ZC3H7A: variants seen among roughly 807,000 people sequenced by gnomAD.
The protein encoded by ZC3H7A is zinc finger CCCH domain-containing protein 7A.
In ZC3H7A, 44 loss-of-function variants were observed where a neutral mutation model predicts 125.5. That is an observed-to-expected ratio of 0.35 (90% CI 0.28 to 0.45). The LOEUF (loss-of-function observed/expected upper bound fraction) is 0.45, where lower values mean the gene tolerates loss of function less well. Ranked by LOEUF, ZC3H7A falls within the 20% of genes least tolerant of loss-of-function variation. ZC3H7A has a pLI of 1.00. For missense variants in ZC3H7A, 977 were observed against 1,170.7 expected, an observed-to-expected ratio of 0.83 and a Z score of 2.41; for synonymous variants, 399 against 391.2, an observed-to-expected ratio of 1.02 and a Z score of -0.23.
In ZC3H7A at chr16:11,751,514, G is replaced by A. The variant is rs187457479; in HGVS notation, c.2727-8C>T. 4.0e-5 allele frequency: 64 copies of A among 1,610,196 alleles called. 1 individual carries two copies. The East Asian group carries it at 1.4e-3, about 36-fold the overall frequency. ...CAGGTGCCATTCATATACCTGTAAG[G>A]AGAAGTCAGCTGCTCAGTGTCCATA... On this transcript the variant is annotated splice_polypyrimidine_tract_variant and splice_region_variant and intron_variant, in intron 22 of 22. Transcript: ENST00000355758.
At chr16:11,758,595 A>G in intron 19 of ZC3H7A, 56 bp from the exon 20 acceptor site, 1 of 1,230,460 alleles carries the variant, frequency 8.1e-7, no homozygotes, top group Non-Finnish European at 1.2e-6. Flanking sequence ...AAAACGGCCT[A>G]ATTTTTACAT....
chr16:11,779,652 T>G (rs185174525), intron 3 of ZC3H7A, among the ~76,000 whole-genome samples: 1 of 152,186 alleles, frequency 6.6e-6, no homozygotes, highest in Non-Finnish European at 1.5e-5. Flanking sequence ...AGAAACCAAG[T>G]GGAAGCCCCA....
intron 9 of ZC3H7A, among the ~76,000 whole-genome samples, chr16:11,773,195 G>A (rs1273184924): frequency 6.6e-6 from 1 of 151,858 alleles, no homozygotes. Context: ...TTGATTGACT[G>A]ATTGAGACAG....
chr16:11,751,133 C>T lies in ZC3H7A; in HGVS notation c.*184G>A, dbSNP rs1018155590. 3.6e-6 allele frequency: 2 copies of T among 550,454 alleles called. No individual in the cohort carries two copies. The highest frequency in any genetic ancestry group is 3.2e-5 in the East Asian group (1 of 31,144). The allele number at this position is 550,454 out of a possible 1,614,324, so 34.1% of individuals were successfully genotyped here. ...CTTCACCATCTGATGCCAGTGGTTC[C>T]GTGAGAGCGTGGCCAGGCCTGTGAA... On this transcript the variant is annotated 3_prime_UTR_variant, in exon 23 of 23. Coordinates refer to ENST00000355758, the MANE Select transcript of ZC3H7A (RefSeq NM_014153.4).
Position 11,769,091 on chromosome 16 carries a change from C to T in ZC3H7A, c.1113G>A (p.Leu371=), listed in dbSNP as rs916067880. 1.9e-6 allele frequency: 3 copies of T among 1,606,832 alleles called. No homozygotes were observed. The highest frequency in any genetic ancestry group is 1.7e-5 in the Admixed American group (1 of 58,348). Residue 371 remains leucine, a synonymous_variant, in exon 11 of 23, where the codon CTG becomes CTA. Transcript: ENST00000355758. ...TTCCCTCTCTAGAAGTTGAGGTGGA[C>T]AGATCTAAAATAATAAAAAAACTTC... is the stretch of plus-strand genomic sequence containing the variant. The part of the protein sequence containing the change: ...SFSMSESKRD[L]STSTSREGTP...
chr16:11,763,726 TA>T (rs2052796101), intron 15 of ZC3H7A, 67 bp from the exon 16 acceptor site: 3 of 9,576 alleles, frequency 3.1e-4, no homozygotes. Flanking sequence ...TATATATATA[TA>T]TATATATATA....
Position 11,765,427 on chromosome 16 carries a change from G to T in ZC3H7A, c.1719+62C>A. 7.7e-7 allele frequency: 1 copy of T among 1,293,580 alleles called. No individual in the cohort carries two copies. The allele number at this position is 1,293,580 out of a possible 1,614,324, so 80.1% of individuals were successfully genotyped here. A position where few individuals can be genotyped will look rare whatever the true frequency, so the allele number is the denominator to read the frequency against. On this transcript the variant is annotated intron_variant, in intron 14 of 22. Transcript: ENST00000355758. The surrounding 1 kb of genome is among the most constrained non-coding windows in gnomAD (Gnocchi z 4.8). ...AAGTGAATGTTTTATCACATGGCAG[G>T]ACAATACCACTGGGCTTGCAAATTC...
At chr16:11,773,758 C>T (rs2053028417) in intron 9 of ZC3H7A, among the ~76,000 whole-genome samples, 1 of 151,726 alleles carries the variant, frequency 6.6e-6, no homozygotes, top group Non-Finnish European at 1.5e-5. Flanking sequence ...TGGCGGGCGC[C>T]TGTAGTCCCA....
chr16:11,793,123 A>C (rs1018527216), intron 1 of ZC3H7A, among the ~76,000 whole-genome samples: 1 of 152,210 alleles, frequency 6.6e-6, no homozygotes, highest in African/African-American at 2.4e-5. Flanking sequence ...ATATTAAAAC[A>C]GCCTTACTTA....
At chr16:11,795,466 T>A (rs1173936999) in intron 1 of ZC3H7A, among the ~76,000 whole-genome samples, 1 of 152,248 alleles carries the variant, frequency 6.6e-6, no homozygotes, top group Admixed American at 6.5e-5. Flanking sequence ...AGAGGGAGTC[T>A]CGCTCTGTTG....
intron 7 of ZC3H7A, 106 bp from the exon 8 acceptor site, chr16:11,775,119 T>C: frequency 8.2e-7 from 1 of 1,225,944 alleles, no homozygotes. Flanking sequence ...ACGCCTGTAA[T>C]CCCAGCACCT....
chr16:11,756,220 T>C lies in ZC3H7A; in HGVS notation c.2562+17A>G, dbSNP rs772001482. Reference sequence around the variant, plus strand: ...AATGGCTCGGCAAAGAGAGGGTAAATGACGCACGGTACTCACTGTAACTTC... The same window carrying C: ...AATGGCTCGGCAAAGAGAGGGTAAACGACGCACGGTACTCACTGTAACTTC... On this transcript the variant is annotated intron_variant, in intron 21 of 22. Coordinates refer to ENST00000355758, the MANE Select transcript of ZC3H7A (RefSeq NM_014153.4). 1.9e-6 allele frequency: 3 copies of C among 1,599,298 alleles called. No homozygotes were observed. The highest frequency in any genetic ancestry group is 2.2e-5 in the East Asian group (1 of 44,796).
At chr16:11,787,789 T>C (rs571608880) in intron 1 of ZC3H7A, among the ~76,000 whole-genome samples, 3 of 152,022 alleles carry the variant, frequency 2.0e-5, no homozygotes, top group African/African-American at 7.2e-5. Context: ...CTACTAAAAA[T>C]ACAAACATTA....
chr16:11,769,699 AGACTCT>A (rs1356762759), intron 10 of ZC3H7A, among the ~76,000 whole-genome samples: 8 of 103,816 alleles, frequency 7.7e-5, no homozygotes, highest in African/African-American at 3.6e-4. Flanking sequence ...CAACAGAGTG[AGACTCT>A]GTCTCAAAAA....
chr16:11,793,795 G>T (rs2053390505), intron 1 of ZC3H7A, among the ~76,000 whole-genome samples: 1 of 152,130 alleles, frequency 6.6e-6, no homozygotes, highest in African/African-American at 2.4e-5. Flanking sequence ...GCTCCTATTG[G>T]ATACTTTATG....
intron 1 of ZC3H7A, among the ~76,000 whole-genome samples, chr16:11,791,159 C>G (rs187489664): frequency 6.7e-6 from 1 of 150,106 alleles, no homozygotes; most frequent in African/African-American, 2.5e-5. Flanking sequence ...TGCTTAAGAC[C>G]CTTCAGCAGT....
chr16:11,796,189 C>G (rs1050191908), intron 1 of ZC3H7A: 1 of 152,240 alleles, frequency 6.6e-6, no homozygotes, highest in Non-Finnish European at 1.5e-5. Context: ...ACATGACCAT[C>G]TCAACATGCA....
rs368724231 is a variant in ZC3H7A, at chr16:11,751,154, G to C, written c.*163C>G. The C allele has an allele frequency of 3.6e-5, 25 of 691,356 alleles. No homozygotes were observed. In the African/African-American group the frequency reaches 3.8e-4, roughly 11 times the overall value. The allele number at this position is 691,356 out of a possible 1,614,324, so 42.8% of individuals were successfully genotyped here. On this transcript the variant is annotated 3_prime_UTR_variant, in exon 23 of 23. Coordinates refer to ENST00000355758, the MANE Select transcript of ZC3H7A (RefSeq NM_014153.4). ...GTTCCGTGAGAGCGTGGCCAGGCCTGTGAAACAGCCCATTTTCCTACCTAC... is the reference window on the plus strand; with the variant it reads ...GTTCCGTGAGAGCGTGGCCAGGCCTCTGAAACAGCCCATTTTCCTACCTAC...
intron 1 of ZC3H7A, among the ~76,000 whole-genome samples, chr16:11,787,913 TCCAG>T (rs2053283860): frequency 6.7e-6 from 1 of 149,314 alleles, no homozygotes; most frequent in Non-Finnish European, 1.5e-5. Flanking sequence ...GTCATTGCAC[TCCAG>T]CCTGGGGGAC....
Sources: allele counts gnomAD v4.1 joint callset (sites outside exome capture counted in the v4.1 genomes callset), GRCh38; gene constraint gnomAD v4.1.1; non-coding constraint Gnocchi (gnomAD v3.1); transcripts MANE v1.5; gene names NCBI Gene and HGNC (gene_info 2026-07-23, HGNC 2026-07-21).